MAGI1: variants seen among roughly 807,000 people sequenced by gnomAD.
MAGI1 encodes membrane associated guanylate kinase, WW and PDZ domain containing 1.
Under a neutral mutation model 139.9 loss-of-function variants are expected in MAGI1, and 58 were observed. That is an observed-to-expected ratio of 0.41 (90% CI 0.34 to 0.52). The LOEUF is 0.52. MAGI1 is among the 20% of genes least tolerant of loss of function. The pLI, the probability that MAGI1 is intolerant of heterozygous loss-of-function variation, is 0.12. For synonymous variants in MAGI1, 812 were observed against 737.9 expected (o/e 1.10, Z -1.63); for missense variants, 1,874 against 1,901.6 (o/e 0.99, Z 0.27).
intron 1 of MAGI1, among the ~76,000 whole-genome samples, chr3:65,881,038 G>A (rs771778070): frequency 5.9e-5 from 9 of 151,980 alleles, no homozygotes; most frequent in Non-Finnish European, 1.2e-4. Context: ...CTCCCAACTA[G>A]CTGGGGCTAC....
At chr3:65,929,640 A>G (rs974251331) in intron 1 of MAGI1, among the ~76,000 whole-genome samples, 11 of 152,032 alleles carry the variant, frequency 7.2e-5, no homozygotes, top group Non-Finnish European at 1.3e-4. Flanking sequence ...GCCAAGGAAG[A>G]TTTTTACGTC....
chr3:65,383,042 A>G (rs922741145), intron 15 of MAGI1, among the ~76,000 whole-genome samples: 2 of 152,138 alleles, frequency 1.3e-5, no homozygotes, highest in Admixed American at 6.5e-5. Context: ...GGGAAGTTCA[A>G]TGTTTCTTGA....
At chr3:65,717,950 A>AT (rs937612631) in intron 1 of MAGI1, among the ~76,000 whole-genome samples, 7 of 152,086 alleles carry the variant, frequency 4.6e-5, no homozygotes, top group African/African-American at 7.2e-5. Flanking sequence ...CATAAGAAAG[A>AT]TTTTTTTCCC....
At chr3:65,654,673 G>A (rs1343204404) in intron 1 of MAGI1, among the ~76,000 whole-genome samples, 3 of 151,592 alleles carry the variant, frequency 2.0e-5, no homozygotes, top group Non-Finnish European at 2.9e-5. Flanking sequence ...GGTATAACAT[G>A]ATGAGTGTGA....
chr3:65,711,406 T>C (rs966195359), intron 1 of MAGI1, among the ~76,000 whole-genome samples: 3 of 152,076 alleles, frequency 2.0e-5, no homozygotes, highest in Non-Finnish European at 2.9e-5. Flanking sequence ...AGATAAACAA[T>C]CTCTAAAAAC....
chr3:65,999,283 GA>G (rs1396340803), intron 1 of MAGI1, among the ~76,000 whole-genome samples: 3 of 152,076 alleles, frequency 2.0e-5, no homozygotes, highest in Non-Finnish European at 2.9e-5. Context: ...CTTTTTCAAT[GA>G]AATTATAATT....
intron 1 of MAGI1, among the ~76,000 whole-genome samples, chr3:65,734,509 GAGAA>G (rs1182467682): frequency 2.7e-5 from 4 of 150,606 alleles, no homozygotes; most frequent in Non-Finnish European, 4.4e-5. Flanking sequence ...GAGGAAGAGA[GAGAA>G]AGAAAGAGAG....
intron 1 of MAGI1, among the ~76,000 whole-genome samples, chr3:65,723,960 A>C (rs1178378519): frequency 6.6e-6 from 1 of 152,218 alleles, no homozygotes; most frequent in Non-Finnish European, 1.5e-5. Flanking sequence ...TGTACCTGTG[A>C]ACACACACAT....
At chr3:65,539,498 G>A (rs897873329) in intron 2 of MAGI1, among the ~76,000 whole-genome samples, 5 of 152,194 alleles carry the variant, frequency 3.3e-5, no homozygotes, top group South Asian at 2.1e-4. Flanking sequence ...AATGGATACC[G>A]TGTTCTCTGG....
At chr3:65,974,746 A>G (rs1385450871) in intron 1 of MAGI1, among the ~76,000 whole-genome samples, 1 of 152,188 alleles carries the variant, frequency 6.6e-6, no homozygotes, top group African/African-American at 2.4e-5. Flanking sequence ...CACTGCTCAC[A>G]GCATAGCTTC....
intron 1 of MAGI1, among the ~76,000 whole-genome samples, chr3:65,662,223 A>G (rs950547136): frequency 2.0e-5 from 3 of 152,238 alleles, no homozygotes; most frequent in Non-Finnish European, 4.4e-5. Context: ...TCCTTCAATT[A>G]ACAAGTAAGC....
intron 2 of MAGI1, among the ~76,000 whole-genome samples, chr3:65,544,029 A>G (rs1394884793): frequency 6.6e-6 from 1 of 152,180 alleles, no homozygotes; most frequent in Non-Finnish European, 1.5e-5. Flanking sequence ...ACATATGAGT[A>G]TATATGGGGA....
At chr3:65,808,755 G>A (rs564798859) in intron 1 of MAGI1, among the ~76,000 whole-genome samples, 55 of 152,146 alleles carry the variant, frequency 3.6e-4, no homozygotes, top group African/African-American at 1.2e-3. Context: ...CTGCTCTTCC[G>A]TCACTCAAGA....
chr3:65,831,624 A>G (rs931365643), intron 1 of MAGI1, among the ~76,000 whole-genome samples: 1 of 152,210 alleles, frequency 6.6e-6, no homozygotes, highest in Non-Finnish European at 1.5e-5. Context: ...ACTAAAAAGC[A>G]AAGACCTAAA....
chr3:65,962,660 C>A (rs1432988090), intron 1 of MAGI1, among the ~76,000 whole-genome samples: 1 of 150,682 alleles, frequency 6.6e-6, no homozygotes, highest in Non-Finnish European at 1.5e-5. Flanking sequence ...CATGGTGAAA[C>A]CCAATATCTA....
At chr3:65,445,317 C>T (rs1206644700) in intron 7 of MAGI1, among the ~76,000 whole-genome samples, 2 of 152,316 alleles carry the variant, frequency 1.3e-5, no homozygotes, top group East Asian at 3.9e-4. Flanking sequence ...CTTCTGAACA[C>T]TTAGCACAGT....
At chr3:65,367,704 C>T (rs1941568435) in intron 18 of MAGI1, among the ~76,000 whole-genome samples, 2 of 152,288 alleles carry the variant, frequency 1.3e-5, no homozygotes, top group African/African-American at 2.4e-5. Context: ...GTCACTCAGG[C>T]AGCAGGTGGA....
intron 5 of MAGI1, among the ~76,000 whole-genome samples, chr3:65,460,575 C>G (rs945680651): frequency 6.6e-6 from 1 of 151,694 alleles, no homozygotes; most frequent in African/African-American, 2.4e-5. Context: ...TACTTAAGTT[C>G]AGGGATACAT....
intron 1 of MAGI1, among the ~76,000 whole-genome samples, chr3:65,927,110 T>C (rs1378601242): frequency 6.6e-6 from 1 of 152,186 alleles, no homozygotes; most frequent in East Asian, 1.9e-4. Context: ...GAAATAACCA[T>C]AAAGATGGGC....
Sources: gnomAD v4.1 joint callset for allele counts (sites outside exome capture counted in the v4.1 genomes callset) on GRCh38, gnomAD v4.1.1 for gene constraint, MANE v1.5 for transcripts, NCBI Gene and HGNC (gene_info 2026-07-23, HGNC 2026-07-21) for gene names.